SERINC5: variants seen among roughly 807,000 people sequenced by gnomAD.
The protein encoded by SERINC5 is chromosome 5 open reading frame 12.
A neutral mutation model predicts 63.1 loss-of-function variants in SERINC5; 41 were observed. The ratio of observed to expected loss-of-function variants is 0.65; its 90% CI spans 0.51 to 0.84. The LOEUF (loss-of-function observed/expected upper bound fraction) is 0.84. Ranked by LOEUF, SERINC5 falls within the 40% of genes least tolerant of loss-of-function variation. The probability of loss-of-function intolerance (pLI) is 0.00; values close to 1 mark genes in which losing one functional copy is unlikely to be tolerated. For synonymous variants in SERINC5, 222 were observed against 215.2 expected (o/e 1.03, Z -0.28); for missense variants, 523 against 573.0 (o/e 0.91, Z 0.89).
chr5:80,118,685 C>A (rs1286712637), intron 11 of SERINC5, among the ~76,000 whole-genome samples: 1 of 151,036 alleles, frequency 6.6e-6, no homozygotes, highest in Non-Finnish European at 1.5e-5. Context: ...GTAGCTGGGA[C>A]TACAGGCGCA....
chr5:80,126,711 T>C (rs1744761519), intron 11 of SERINC5, among the ~76,000 whole-genome samples: 1 of 152,206 alleles, frequency 6.6e-6, no homozygotes, highest in African/African-American at 2.4e-5. Context: ...ATGAAATTCA[T>C]AAATTTTAAT....
Position 80,202,945 on chromosome 5 carries a change from C to A in SERINC5, c.136G>T (p.Val46Phe). ...ATCATGATGCAGCAGAGGACGACGA[C>A]CAGAATGAAGTAGAGGGCGTACATG... ...RFMYALYFIL[V>F]VVLCCIMMST... The change falls in exon 2 of 12, where the codon GTC becomes TTC. Residue 46 changes from valine to phenylalanine, a missense_variant. By Grantham distance (50) the Val-to-Phe change is conservative (BLOSUM62 -1). Transcript: ENST00000507668. 6.2e-7 allele frequency: 1 copy of A among 1,613,468 alleles called. No homozygotes were observed. The highest frequency in any genetic ancestry group is 1.3e-5 in the African/African-American group (1 of 74,984).
chr5:80,164,932 T>G (rs1747184358), intron 7 of SERINC5, among the ~76,000 whole-genome samples: 1 of 109,570 alleles, frequency 9.1e-6, no homozygotes, highest in Non-Finnish European at 1.9e-5. Context: ...TTTTTTTTTT[T>G]GTAGAGATGC....
downstream of SERINC5, among the ~76,000 whole-genome samples, chr5:80,138,056 G>A (rs937870187): frequency 6.6e-6 from 1 of 151,976 alleles, no homozygotes; most frequent in African/African-American, 2.4e-5. Flanking sequence ...AAATAAGCCA[G>A]GCACAAAAAG....
Position 80,158,833 on chromosome 5 carries a change from T to C in SERINC5, c.986+3A>G, listed in dbSNP as rs760312478. On this transcript the variant is annotated splice_donor_region_variant and intron_variant, in intron 8 of 11. Transcript: ENST00000507668. ...GTGACCTTGAGTAACTCCCAAGACT[T>C]ACCATGAATACAAGATACATCCGAT... is the stretch of plus-strand genomic sequence containing the variant. 6.2e-7 allele frequency: 1 copy of C among 1,613,016 alleles called. No individual in the cohort carries two copies. The highest frequency in any genetic ancestry group is 8.5e-7 in the Non-Finnish European group (1 of 1,179,716).
At chr5:80,229,545 A>G (rs10041920) in intron 1 of SERINC5, among the ~76,000 whole-genome samples, 80,425 of 151,532 alleles carry the variant, frequency 0.53, 22,598 homozygotes, top group African/African-American at 0.73. Context: ...GTAAACAACA[A>G]AAAATTGCTC....
chr5:80,202,154 C>T (rs1366638758), intron 2 of SERINC5, among the ~76,000 whole-genome samples: 2 of 152,008 alleles, frequency 1.3e-5, no homozygotes, highest in African/African-American at 4.8e-5. Context: ...AGAAGAATCG[C>T]TTGAACCTGG....
At chr5:80,155,729 G>A (rs1746481944) in intron 8 of SERINC5, among the ~76,000 whole-genome samples, 1 of 152,042 alleles carries the variant, frequency 6.6e-6, no homozygotes. Context: ...GTGAGAACTT[G>A]CCTTAAAACA....
At chr5:80,167,275 T>C (rs1280522735) in intron 6 of SERINC5, 1 of 152,118 alleles carries the variant, frequency 6.6e-6, no homozygotes, top group Non-Finnish European at 1.5e-5. Context: ...GTTGTTCCCC[T>C]CTATGTGTCC....
chr5:80,144,997 TAA>T (rs60256731), intron 11 of SERINC5, among the ~76,000 whole-genome samples: 32 of 143,932 alleles, frequency 2.2e-4, no homozygotes, highest in African/African-American at 4.0e-4. Context: ...ACTGCCAAGT[TAA>T]AAAAAAAAAA....
In SERINC5 at chr5:80,250,208, G is replaced by A. The variant is rs79909790; in HGVS notation, c.27+5688C>T. The stretch of plus-strand genomic sequence containing the variant: ...TACTAAGTGGTGCAATCAAGTCCAC[G>A]AAGCAGAAATTCTGTGAGGACTCTC... On this transcript the variant is annotated intron_variant, in intron 1 of 11. Transcript: ENST00000507668. 8.1e-3 allele frequency among the ~76,000 whole-genome samples: 1,240 copies of A among 152,236 alleles called. 17 individuals carry two copies. Among genetic ancestry groups the A allele is most frequent in the African/African-American group, 0.029 (1,190 of 41,524 alleles).
At chr5:80,204,615 G>A (rs1242177568) in intron 1 of SERINC5, among the ~76,000 whole-genome samples, 1 of 152,174 alleles carries the variant, frequency 6.6e-6, no homozygotes, top group East Asian at 1.9e-4. Context: ...TTATTACACA[G>A]AAAAGGCACA....
chr5:80,195,380 T>C (rs573967651), intron 2 of SERINC5, among the ~76,000 whole-genome samples: 6 of 152,266 alleles, frequency 3.9e-5, no homozygotes, highest in African/African-American at 1.2e-4. Context: ...CATAAATTTA[T>C]ACAAATTTTA....
intron 4 of SERINC5, among the ~76,000 whole-genome samples, chr5:80,175,288 C>A (rs1377105524): frequency 1.3e-5 from 2 of 152,166 alleles, no homozygotes; most frequent in Non-Finnish European, 2.9e-5. Context: ...TGAACACAGG[C>A]AGTCTGACCC....
chr5:80,198,758 T>C, intron 2 of SERINC5: 1 of 946,990 alleles, frequency 1.1e-6, no homozygotes, highest in South Asian at 4.9e-5. Context: ...GCTGACTTTG[T>C]GGCCAGATGG....
intron 2 of SERINC5, among the ~76,000 whole-genome samples, chr5:80,181,443 T>TGTGTGTGTGTGTGTGTGTGTGTGTGG (rs1748419755): frequency 6.6e-6 from 1 of 151,762 alleles, no homozygotes; most frequent in South Asian, 2.1e-4. Flanking sequence ...TGTGTGTGTG[T>TGTGTGTGTGTGTGTGTGTGTGTGTGG]GTACAGTTGG....
chr5:80,182,586 C>T (rs1042511164), intron 2 of SERINC5, among the ~76,000 whole-genome samples: 3 of 138,866 alleles, frequency 2.2e-5, no homozygotes, highest in African/African-American at 7.8e-5. Context: ...ACCTCTGTTG[C>T]CCAGGCTGGA....
chr5:80,236,586 T>A (rs2112578032), intron 1 of SERINC5, among the ~76,000 whole-genome samples: 1 of 151,566 alleles, frequency 6.6e-6, no homozygotes, highest in African/African-American at 2.4e-5. Flanking sequence ...TAGAGTGCCA[T>A]GGCAGCTCGG....
chr5:80,125,329 G>C (rs1454165221), intron 11 of SERINC5, among the ~76,000 whole-genome samples: 1 of 152,186 alleles, frequency 6.6e-6, no homozygotes, highest in Non-Finnish European at 1.5e-5. Flanking sequence ...TGAGAGGCTG[G>C]GCAGAGGATC....
Sources: allele counts gnomAD v4.1 joint callset (sites outside exome capture counted in the v4.1 genomes callset), GRCh38; gene constraint gnomAD v4.1.1; transcripts MANE v1.5; gene names NCBI Gene and HGNC (gene_info 2026-07-23, HGNC 2026-07-21).